The following SETDB1 variants were observed in gnomAD, a reference collection of about 807,000 sequenced individuals.
SETDB1 encodes SET domain bifurcated histone lysine methyltransferase 1, also known as histone-lysine N-methyltransferase SETDB1.
A neutral mutation model predicts 137.4 loss-of-function variants in SETDB1; 31 were observed. That is an observed-to-expected ratio of 0.23 (90% CI 0.17 to 0.30). SETDB1 has a LOEUF of 0.30. SETDB1 is among the 10% of genes least tolerant of loss of function. The pLI is 1.00. For missense variants in SETDB1, 1,113 were observed against 1,631.5 expected (o/e 0.68, Z 5.47); for synonymous variants, 548 against 579.9 (o/e 0.95, Z 0.79).
At chr1:150,955,298 A>G (rs946129426) in intron 14 of SETDB1, among the ~76,000 whole-genome samples, 1 of 152,224 alleles carries the variant, frequency 6.6e-6, no homozygotes, top group African/African-American at 2.4e-5. Context: ...CAAATAATAT[A>G]TCACTCCCCT....
At chr1:150,958,070 C>T (rs1670703047) in intron 14 of SETDB1, among the ~76,000 whole-genome samples, 1 of 151,598 alleles carries the variant, frequency 6.6e-6, no homozygotes, top group Non-Finnish European at 1.5e-5. Flanking sequence ...CCTGTAATCT[C>T]AGCTACTTGG....
At chr1:150,936,504 T>A (rs1362975298) in intron 3 of SETDB1, among the ~76,000 whole-genome samples, 1 of 152,228 alleles carries the variant, frequency 6.6e-6, no homozygotes, top group Non-Finnish European at 1.5e-5. Flanking sequence ...TTCCATTGTA[T>A]GAATATGCCA....
intron 2 of SETDB1, 32 bp from the exon 3 acceptor site, chr1:150,929,935 T>G (rs1421303386): frequency 6.2e-7 from 1 of 1,601,216 alleles, no homozygotes; most frequent in East Asian, 2.2e-5. Context: ...CTCTACTGGC[T>G]TTGACCTTTT....
intron 3 of SETDB1, 133 bp downstream of exon 3, chr1:150,930,251 T>A: frequency 1.3e-6 from 1 of 752,576 alleles, no homozygotes; most frequent in African/African-American, 1.7e-5. Flanking sequence ...CTGAGTTGGC[T>A]ATTAAAGAAA....
In SETDB1 at chr1:150,950,863, A is replaced by G. The variant is rs780226419; in HGVS notation, c.1989A>G (p.Pro663=). The G allele has an allele frequency of 1.9e-6, 3 of 1,613,924 alleles. No individual in the cohort carries two copies. Among genetic ancestry groups the G allele is most frequent in the Non-Finnish European group, 2.5e-6 (3 of 1,180,022 alleles). The change falls in exon 13 of 22, where the codon CCA becomes CCG. Residue 663 remains proline (P), a synonymous_variant. Transcript: ENST00000692827. ...FLFLEMFCLD[P]YVLVDRKFQP... ...TCCTGGAGATGTTCTGTTTGGATCC[A>G]TATGTTCTTGTGGACCGAAAGTTTC...
intron 10 of SETDB1, among the ~76,000 whole-genome samples, chr1:150,948,514 G>A (rs587602564): frequency 6.6e-6 from 1 of 152,002 alleles, no homozygotes; most frequent in Non-Finnish European, 1.5e-5. Flanking sequence ...CAGGTGATCT[G>A]CCCGCCTCAG....
chr1:150,928,664 G>T (rs190981749), intron 2 of SETDB1, among the ~76,000 whole-genome samples: 1 of 152,298 alleles, frequency 6.6e-6, no homozygotes, highest in Admixed American at 6.5e-5. Context: ...TGCACAACGT[G>T]CAGGTTTATT....
rs1375141493 is a variant in SETDB1, at chr1:150,950,507, G to C, written c.1633G>C (p.Ala545Pro). The change falls in exon 13 of 22, where the codon GCC becomes CCC. Residue 545 changes from alanine to proline, a missense_variant. Physicochemically the swap from Ala to Pro is conservative, Grantham distance 27. Around this residue, in one of 11 missense-constraint regions of SETDB1, gnomAD observed 192 missense variants for 198.1 expected, o/e 0.97. Coordinates refer to ENST00000692827, the MANE Select transcript of SETDB1 (RefSeq NM_001366418.1). ...TGCCCCAGCACCCTCAGCACTCCCG[G>C]CCCCTCCAGCACCCCCAGTCTTCCA... Reference protein sequence around the residue: ...ASAPAPSALPAPPAPPVFHGM... With the variant: ...ASAPAPSALPPPPAPPVFHGM... 5.0e-6 allele frequency: 8 copies of C among 1,613,000 alleles called. No individual in the cohort carries two copies. Among genetic ancestry groups the C allele is most frequent in the Non-Finnish European group, 6.8e-6 (8 of 1,179,468 alleles).
intron 6 of SETDB1, 48 bp downstream of exon 6, chr1:150,942,736 T>A (rs587630986): frequency 6.2e-7 from 1 of 1,600,988 alleles, no homozygotes; most frequent in South Asian, 1.1e-5. Flanking sequence ...ACCTGCACCC[T>A]CCACTGCTGA....
chr1:150,933,444 TCTG>T (rs1161766587), intron 3 of SETDB1, among the ~76,000 whole-genome samples: 1 of 146,884 alleles, frequency 6.8e-6, no homozygotes, highest in African/African-American at 2.5e-5. Context: ...CACTGCAACT[TCTG>T]CTCACTGCAA....
At chr1:150,932,470 C>G (rs1033134396) in intron 3 of SETDB1, among the ~76,000 whole-genome samples, 1 of 151,788 alleles carries the variant, frequency 6.6e-6, no homozygotes, top group Non-Finnish European at 1.5e-5. Context: ...TTTTTAAAAT[C>G]TTTTATTTTG....
In SETDB1 at chr1:150,943,052, A is replaced by G; in HGVS notation, c.874A>G (p.Arg292Gly). 1 of 1,606,550 alleles carries G rather than the reference A, an allele frequency of 6.2e-7. No individual in the cohort carries two copies. The highest frequency in any genetic ancestry group is 1.7e-4 in the Middle Eastern group (1 of 5,942). Residue 292 changes from arginine to glycine, a missense_variant and splice_region_variant, in exon 7 of 22, where the codon AGG (arginine) becomes GGG (glycine). This residue lies in a region of SETDB1 where 154 missense variants were observed against 303.1 expected (regional missense o/e 0.51). Transcript: ENST00000692827. Reference protein sequence around the residue: ...AETPNVKNKLRFLIFFDDGYA... With the variant: ...AETPNVKNKLGFLIFFDDGYA... Reference sequence around the variant, plus strand: ...GACACCAAACGTCAAAAACAAGCTCAGGTACCTGGACAGAGGACTGTAAAG... The same window carrying G: ...GACACCAAACGTCAAAAACAAGCTCGGGTACCTGGACAGAGGACTGTAAAG...
chr1:150,961,653 C>CA (rs879776763), intron 16 of SETDB1: 830 of 143,602 alleles, frequency 5.8e-3, no homozygotes, highest in South Asian at 0.02. Context: ...GACTCTGTCT[C>CA]AAAAAAAAAA....
At chr1:150,934,034 C>G (rs587593544) in intron 3 of SETDB1, among the ~76,000 whole-genome samples, 1 of 151,848 alleles carries the variant, frequency 6.6e-6, no homozygotes, top group Non-Finnish European at 1.5e-5. Flanking sequence ...CCACCTGCTT[C>G]GGCTTCCCAA....
intron 3 of SETDB1, among the ~76,000 whole-genome samples, chr1:150,937,879 TGTG>T (rs1669994575): frequency 6.6e-6 from 1 of 152,096 alleles, no homozygotes; most frequent in Non-Finnish European, 1.5e-5. Flanking sequence ...ATAAACCAAA[TGTG>T]GTATACACAT....
chr1:150,957,703 A>T (rs587718946), intron 14 of SETDB1, among the ~76,000 whole-genome samples: 40 of 152,192 alleles, frequency 2.6e-4, no homozygotes, highest in East Asian at 1.4e-3. Context: ...AATAATTAAA[A>T]TTTTTTTCTT....
intron 21 of SETDB1, 21 bp from the exon 22 acceptor site, chr1:150,964,226 C>T (rs750477398): frequency 2.1e-5 from 34 of 1,602,564 alleles, no homozygotes; most frequent in Non-Finnish European, 2.7e-5. Flanking sequence ...TGCCACACAC[C>T]ATCCTTTTCT....
chr1:150,943,706 A>T (rs899867652), intron 7 of SETDB1, among the ~76,000 whole-genome samples: 16 of 152,172 alleles, frequency 1.1e-4, no homozygotes, highest in African/African-American at 3.6e-4. Context: ...GTGTTTTTTT[A>T]AAAGTAGGGA....
In SETDB1 at chr1:150,962,685, G is replaced by A. The variant is rs754750925; in HGVS notation, c.3260G>A (p.Arg1087Gln). The change falls in exon 18 of 22, where the codon CGA becomes CAA. Residue 1087 changes from arginine to glutamine, a missense_variant. Coordinates refer to ENST00000692827, the MANE Select transcript of SETDB1 (RefSeq NM_001366418.1). ...AGTAAGACTAGTATGCATCAAAGCC[G>A]AAGACTCATGGCTTCTGCTCAGTCC... ...PPSKTSMHQS[R>Q]RLMASAQSNP... 8.1e-6 allele frequency: 13 copies of A among 1,614,080 alleles called. No individual in the cohort carries two copies. The highest frequency in any genetic ancestry group is 1.6e-4 in the Middle Eastern group (1 of 6,062).
Sources: allele counts gnomAD v4.1 joint callset (sites outside exome capture counted in the v4.1 genomes callset), GRCh38; gene constraint gnomAD v4.1.1; regional missense constraint gnomAD v4.1.1; transcripts MANE v1.5; gene names NCBI Gene and HGNC (gene_info 2026-07-23, HGNC 2026-07-21).